The following PLCB2 variants were observed in gnomAD, a reference collection of about 807,000 sequenced individuals.
The protein encoded by PLCB2 is phospholipase C beta 2, also known as 1-phosphatidylinositol 4,5-bisphosphate phosphodiesterase beta-2.
PLCB2 carries 115 observed loss-of-function variants against 141.7 expected under a neutral mutation model. The observed-to-expected ratio is 0.81, with a 90% CI of 0.70 to 0.95. PLCB2 has a LOEUF of 0.95. PLCB2 is among the 40% of genes least tolerant of loss of function. The pLI, the probability that PLCB2 is intolerant of heterozygous loss-of-function variation, is 0.00. For synonymous variants in PLCB2, 603 were observed against 595.6 expected (o/e 1.01, Z -0.18); for missense variants, 1,403 against 1,541.1 (o/e 0.91, Z 1.50).
At position 40,288,578 on chromosome 15, in the gene PLCB2, G is replaced by A. The variant is rs1443757633; in HGVS notation, c.*137C>T. ...CAGACTCTGGCCTGGCCGTTGAGGA[G>A]GGGGCTGCAGCGTCCAAGGCAGCCA... On this transcript the variant is annotated 3_prime_UTR_variant, in exon 32 of 32. Coordinates refer to ENST00000260402, the MANE Select transcript of PLCB2 (RefSeq NM_004573.3). 1.4e-6 allele frequency: 2 copies of A among 1,387,496 alleles called. No homozygotes were observed. The highest frequency in any genetic ancestry group is 2.6e-5 in the East Asian group (1 of 39,146). The allele number at this position is 1,387,496 out of a possible 1,614,324, so 85.9% of individuals were successfully genotyped here.
chr15:40,294,370 C>T lies in PLCB2; in HGVS notation c.1957G>A (p.Gly653Ser), dbSNP rs756636014. 66 of 1,614,042 alleles carry T rather than the reference C, an allele frequency of 4.1e-5. No homozygotes were observed. The highest frequency in any genetic ancestry group is 5.3e-5 in the Non-Finnish European group (62 of 1,180,028). Residue 653 changes from glycine (G) to serine (S), a missense_variant, in exon 19 of 32, where the codon GGC (glycine) becomes AGC (serine). Transcript: ENST00000260402. Reference sequence around the variant, plus strand: ...ATGAACTCATGCTTGAGGAGGTAGCCGCTCTGCCCGTTGAACTCAAATACT... The same window carrying T: ...ATGAACTCATGCTTGAGGAGGTAGCTGCTCTGCCCGTTGAACTCAAATACT... ...MAVFEFNGQS[G>S]YLLKHEFMRR... is the part of the protein sequence containing the mutation.
chr15:40,285,448 G>T, downstream of PLCB2: 1 of 804,956 alleles, frequency 1.2e-6, no homozygotes. Context: ...GTTAGAAAGT[G>T]TCAGGGAAAG....
Position 40,296,878 on chromosome 15 carries a change from C to T in PLCB2, c.1354G>A (p.Glu452Lys). The T allele has an allele frequency of 6.2e-7, 1 of 1,614,062 alleles. No homozygotes were observed. The highest frequency in any genetic ancestry group is 8.5e-7 in the Non-Finnish European group (1 of 1,179,982). Residue 452 changes from glutamate (E) to lysine (K), a missense_variant, in exon 14 of 32, where the codon GAG becomes AAG. Glu to Lys is a moderately conservative substitution (Grantham distance 56). Transcript: ENST00000260402. ...ATGAGGATCTTGCCCCTGAGATCCT[C>T]AGGGCTGGGCAGGGGGACACCTGGT... is the stretch of plus-strand genomic sequence containing the variant. The part of the protein sequence containing the change: ...LKPGVPLPSP[E>K]DLRGKILIKN...
Position 40,291,511 on chromosome 15 carries a change from A to C in PLCB2, c.2648-24T>G, listed in dbSNP as rs772223441. ...CTCTGCGGAGGCCCGGGTGAGGCGC[A>C]ACACCGGCCAGGCCGTCCTGCCCGT... On this transcript the variant is annotated intron_variant, in intron 25 of 31. Coordinates refer to ENST00000260402, the MANE Select transcript of PLCB2 (RefSeq NM_004573.3). 3 of 1,597,030 alleles carry C rather than the reference A, an allele frequency of 1.9e-6. No individual in the cohort carries two copies. The South Asian group carries it at 3.3e-5, about 18-fold the overall frequency.
chr15:40,300,542 G>A (rs143949968), intron 7 of PLCB2: 120 of 152,264 alleles, frequency 7.9e-4, no homozygotes, highest in African/African-American at 2.8e-3. Context: ...TGAACAAAAT[G>A]TGGTATATCC....
chr15:40,304,017 C>A lies in PLCB2; in HGVS notation c.146G>T (p.Trp49Leu). ...TTTTCTCACCTTACTTTGATACGTC[C>A]AGTATAAGTAGTAGCCCTTAGGATC... ...RVDPKGYYLY[W>L]TYQSKEMEFL... The change falls in exon 2 of 32, where the codon TGG becomes TTG. Residue 49 changes from tryptophan to leucine, a missense_variant. Physicochemically the swap from Trp to Leu is moderately conservative, Grantham distance 61 (BLOSUM62 -2). This residue lies in a region of PLCB2 where 975 missense variants were observed against 1,141.1 expected (regional missense o/e 0.85). Coordinates refer to ENST00000260402, the MANE Select transcript of PLCB2 (RefSeq NM_004573.3). 6.3e-7 allele frequency: 1 copy of A among 1,593,724 alleles called. No individual in the cohort carries two copies. Among genetic ancestry groups the A allele is most frequent in the South Asian group, 1.1e-5 (1 of 87,628 alleles).
rs2040039023 is a variant in PLCB2, at chr15:40,293,467, G to A, written c.2226+93C>T. On this transcript the variant is annotated intron_variant, in intron 20 of 31. Coordinates refer to ENST00000260402, the MANE Select transcript of PLCB2 (RefSeq NM_004573.3). ...TGAGGGATGGGAAGAGGAGGAGGAG[G>A]AAGGTCAAGGAGCTGCCTTGTTTAC... The A allele has an allele frequency of 3.2e-6, 4 of 1,243,280 alleles. No individual in the cohort carries two copies. In the Admixed American group the frequency reaches 5.8e-5, roughly 18 times the overall value. The allele number at this position is 1,243,280 out of a possible 1,614,324, so 77.0% of individuals were successfully genotyped here.
Position 40,295,123 on chromosome 15 carries a change from C to A in PLCB2, c.1782-63G>T, listed in dbSNP as rs925972175. On this transcript the variant is annotated intron_variant, in intron 17 of 31. Coordinates refer to ENST00000260402, the MANE Select transcript of PLCB2 (RefSeq NM_004573.3). The stretch of plus-strand genomic sequence containing the variant: ...CACCAGGAGAACCTAACAGCTTACC[C>A]TGGGGGCCCTGTCCCCAGGCCCTCC... The A allele has an allele frequency of 1.9e-6, 3 of 1,611,238 alleles. No homozygotes were observed. In the East Asian group the frequency reaches 6.7e-5, roughly 36 times the overall value.
downstream of PLCB2, chr15:40,285,488 T>G: frequency 1.0e-6 from 1 of 967,974 alleles, no homozygotes; most frequent in Middle Eastern, 5.3e-4. Context: ...TTTTTTTATT[T>G]TGTTTTGTTT....
At position 40,291,484 on chromosome 15, in the gene PLCB2, G is replaced by T; in HGVS notation, c.2651C>A (p.Pro884Gln). The change falls in exon 26 of 32, where the codon CCG (proline) becomes CAG (glutamine). Residue 884 changes from proline (P) to glutamine (Q), a missense_variant. Pro to Gln is a moderately conservative substitution (Grantham distance 76, BLOSUM62 -1). This residue lies in a region of PLCB2 where 290 missense variants were observed against 245.9 expected (regional missense o/e 1.18). Transcript: ENST00000260402. ...GAGCTCCTCCAGGCTGGCGGTCCGC[G>T]GCTCTGCGGAGGCCCGGGTGAGGCG... is the stretch of plus-strand genomic sequence containing the variant. ...REEAMKEAAE[P>Q]RTASLEELRE... The T allele has an allele frequency of 6.3e-7, 1 of 1,581,576 alleles. No homozygotes were observed.
intron 30 of PLCB2, chr15:40,289,682 C>T (rs896556525): frequency 1.4e-5 from 7 of 513,158 alleles, no homozygotes; most frequent in African/African-American, 7.6e-5. Context: ...CTTCCTCACT[C>T]CCTCTTCATC....
Position 40,302,206 on chromosome 15 carries a change from G to T in PLCB2, c.453-17C>A. ...TTCACAAGGCTGGGGGCAGAAAGCAGCCCGTCAAGGCCCAGGGCTGGCATG... is the reference window on the plus strand; with the variant it reads ...TTCACAAGGCTGGGGGCAGAAAGCATCCCGTCAAGGCCCAGGGCTGGCATG... On this transcript the variant is annotated splice_polypyrimidine_tract_variant and intron_variant, in intron 5 of 31. Coordinates refer to ENST00000260402, the MANE Select transcript of PLCB2 (RefSeq NM_004573.3). 2.5e-6 allele frequency: 4 copies of T among 1,613,534 alleles called. No individual in the cohort carries two copies. The highest frequency in any genetic ancestry group is 3.4e-6 in the Non-Finnish European group (4 of 1,179,588).
intron 1 of PLCB2, among the ~76,000 whole-genome samples, chr15:40,304,568 C>T (rs548642577): frequency 1.3e-5 from 2 of 152,266 alleles, no homozygotes; most frequent in East Asian, 3.9e-4. Context: ...CAAATCTCCT[C>T]TGCTTGAAAT....
intron 2 of PLCB2, 57 bp downstream of exon 2, chr15:40,303,944 G>T: frequency 8.1e-7 from 1 of 1,237,126 alleles, no homozygotes. Flanking sequence ...CCAGGGGGCT[G>T]TCTGGCCTCA....
At chr15:40,291,795 T>G (rs765269389) in intron 24 of PLCB2, 54 bp downstream of exon 24, 2 of 1,612,906 alleles carry the variant, frequency 1.2e-6, no homozygotes, top group Admixed American at 1.7e-5. Flanking sequence ...GGGAAGTGCC[T>G]GTGGGTGCAG....
chr15:40,292,252 G>T, intron 22 of PLCB2, 87 bp downstream of exon 22: 2 of 1,490,652 alleles, frequency 1.3e-6, no homozygotes. Context: ...GCCCCATCTG[G>T]ATCCCACCCC....
At position 40,302,344 on chromosome 15, in the gene PLCB2, C is replaced by T; in HGVS notation, c.378G>A (p.Trp126Ter). ...TGACTAGGGCCAGTACGTCCTCAGCCCAGGCCTGCAGGACCACAGAGAGCA... is the reference window on the plus strand; with the variant it reads ...TGACTAGGGCCAGTACGTCCTCAGCTCAGGCCTGCAGGACCACAGAGAGCA... ...VSYKENVGKA[W>*]AEDVLALVKH... The change falls in exon 5 of 32, where the codon TGG becomes TGA. Residue 126 changes from tryptophan (W) to a stop codon, truncating the protein, a stop_gained. Transcript: ENST00000260402. LOFTEE classifies it high-confidence loss of function. 6.2e-7 allele frequency: 1 copy of T among 1,613,968 alleles called. No homozygotes were observed. The highest frequency in any genetic ancestry group is 8.5e-7 in the Non-Finnish European group (1 of 1,179,962).
intron 30 of PLCB2, 79 bp from the exon 31 acceptor site, chr15:40,289,437 AAC>A: frequency 9.4e-7 from 1 of 1,061,518 alleles, no homozygotes; most frequent in Non-Finnish European, 1.5e-6. Context: ...AATCCCAGCT[AAC>A]TAGTTGTAAG....
chr15:40,303,415 A>G, intron 2 of PLCB2, 59 bp from the exon 3 acceptor site: 1 of 1,293,012 alleles, frequency 7.7e-7, no homozygotes. Flanking sequence ...CAAAAAGTCC[A>G]GGTCAAGAAT....
Sources: gnomAD v4.1 joint callset for allele counts (sites outside exome capture counted in the v4.1 genomes callset) on GRCh38, gnomAD v4.1.1 for gene constraint, gnomAD v4.1.1 regional missense constraint, MANE v1.5 for transcripts, NCBI Gene and HGNC (gene_info 2026-07-23, HGNC 2026-07-21) for gene names.